Variants in MARCHF1 observed in about 807,000 individuals in gnomAD.
The protein encoded by MARCHF1 is E3 ubiquitin-protein ligase MARCHF1.
In MARCHF1, 40 loss-of-function variants were observed where a neutral mutation model predicts 54.2. That is an observed-to-expected ratio of 0.74 (90% CI 0.57 to 0.96). MARCHF1 has a LOEUF of 0.96. Ranked by LOEUF, MARCHF1 falls within the 40% of genes least tolerant of loss-of-function variation. The pLI, the probability that MARCHF1 is intolerant of heterozygous loss-of-function variation, is 0.00. For synonymous variants in MARCHF1, 236 were observed against 236.3 expected (o/e 1.00, Z 0.01); for missense variants, 586 against 656.5 (o/e 0.89, Z 1.17).
chr4:164,367,780 A>T (rs919521903), intron 1 of MARCHF1, among the ~76,000 whole-genome samples: 10 of 151,900 alleles, frequency 6.6e-5, no homozygotes, highest in African/African-American at 2.4e-4. Flanking sequence ...ATCTTTTTTT[A>T]AAGTTTTAAA....
intron 1 of MARCHF1, among the ~76,000 whole-genome samples, chr4:164,273,308 T>C (rs1378458188): frequency 6.6e-6 from 1 of 152,028 alleles, no homozygotes; most frequent in Non-Finnish European, 1.5e-5. Context: ...TATAAAACCA[T>C]CAAATCTTGT....
rs1291967315 is a variant in MARCHF1 at position 163,845,622 on chromosome 4, A to G, written c.111+8399T>C. On this transcript the variant is annotated intron_variant, in intron 4 of 9. Coordinates refer to ENST00000514618, the MANE Select transcript of MARCHF1 (RefSeq NM_001394959.1). ...ACATAGCAGAATTAAACAACCCATA[A>G]GAATTAAACATCTTTCGGAGGAACT... 5.9e-5 allele frequency among the ~76,000 whole-genome samples: 9 copies of G among 152,296 alleles called. No individual in the cohort carries two copies. The East Asian group carries it at 1.7e-3, about 29-fold the overall frequency.
intron 8 of MARCHF1, among the ~76,000 whole-genome samples, chr4:163,550,791 A>C (rs1316335784): frequency 1.3e-5 from 2 of 152,224 alleles, no homozygotes; most frequent in Non-Finnish European, 2.9e-5. Context: ...AAATTTCTAG[A>C]GGACCCATTC....
chr4:164,208,626 A>C lies in MARCHF1; in HGVS notation c.-322-96964T>G, dbSNP rs565273145. On this transcript the variant is annotated intron_variant, in intron 1 of 9. Transcript: ENST00000514618. ...GCAAGAGAGAAAAGATGATTCTTTA[A>C]AAGTAATGGCAGACAAGGACAGTGC... 5.9e-5 allele frequency among the ~76,000 whole-genome samples: 9 copies of C among 152,354 alleles called. No homozygotes were observed. In the South Asian group the frequency reaches 1.0e-3, roughly 18 times the overall value.
At chr4:164,324,818 T>C (rs909211266) in intron 1 of MARCHF1, among the ~76,000 whole-genome samples, 3 of 151,232 alleles carry the variant, frequency 2.0e-5, no homozygotes, top group African/African-American at 7.2e-5. Context: ...TCAAAAGAAG[T>C]TGTAATGAAA....
At chr4:164,220,323 T>G (rs1025034662) in intron 1 of MARCHF1, among the ~76,000 whole-genome samples, 2 of 147,886 alleles carry the variant, frequency 1.4e-5, no homozygotes, top group Non-Finnish European at 3.0e-5. Flanking sequence ...AATTCATATA[T>G]ATATAGGAAT....
chr4:164,289,284 C>T (rs1437949736), intron 1 of MARCHF1, among the ~76,000 whole-genome samples: 1 of 151,954 alleles, frequency 6.6e-6, no homozygotes, highest in East Asian at 1.9e-4. Flanking sequence ...AGATTGTGAA[C>T]CACTGTGTGT....
chr4:163,872,236 T>C (rs1750184237), intron 3 of MARCHF1, among the ~76,000 whole-genome samples: 1 of 152,212 alleles, frequency 6.6e-6, no homozygotes, highest in Admixed American at 6.5e-5. Flanking sequence ...AGCATGTGTG[T>C]CACCTTGAAG....
intron 1 of MARCHF1, among the ~76,000 whole-genome samples, chr4:164,319,960 TTTAAGA>T (rs111844361): frequency 2.4e-4 from 36 of 152,242 alleles, no homozygotes; most frequent in African/African-American, 7.9e-4. Flanking sequence ...CTCTAGACAT[TTTAAGA>T]TTAACATATG....
intron 9 of MARCHF1, among the ~76,000 whole-genome samples, chr4:163,534,733 C>T (rs1033752533): frequency 6.6e-6 from 1 of 152,022 alleles, no homozygotes; most frequent in African/African-American, 2.4e-5. Flanking sequence ...TTTCCATGGT[C>T]CCTTTCTCCT....
At chr4:163,767,135 T>C (rs1038723903) in intron 4 of MARCHF1, among the ~76,000 whole-genome samples, 2 of 147,602 alleles carry the variant, frequency 1.4e-5, no homozygotes, top group African/African-American at 5.0e-5. Context: ...TATCCAAGGA[T>C]ATAAAGCCTG....
chr4:164,073,585 T>C (rs990610430), intron 2 of MARCHF1, among the ~76,000 whole-genome samples: 2 of 151,988 alleles, frequency 1.3e-5, no homozygotes, highest in African/African-American at 4.8e-5. Context: ...CCATGGCACA[T>C]GCATACCTAT....
chr4:164,140,995 A>G (rs1756519568), intron 1 of MARCHF1, among the ~76,000 whole-genome samples: 1 of 152,202 alleles, frequency 6.6e-6, no homozygotes, highest in Non-Finnish European at 1.5e-5. Flanking sequence ...ACGTGTTGAG[A>G]GGTTCTCTGA....
intron 1 of MARCHF1, among the ~76,000 whole-genome samples, chr4:164,328,096 G>GTGGATCT (rs1405236385): frequency 6.6e-6 from 1 of 152,158 alleles, no homozygotes; most frequent in Non-Finnish European, 1.5e-5. Context: ...AAGGCTAACT[G>GTGGATCT]TGGATCTTGA....
At chr4:164,189,158 G>A (rs112199227) in intron 1 of MARCHF1, 14 of 588,580 alleles carry the variant, frequency 2.4e-5, no homozygotes, top group African/African-American at 1.3e-4. Flanking sequence ...TATGACTAGC[G>A]TGTCATGGAA....
At chr4:163,847,066 G>A (rs1035344778) in intron 4 of MARCHF1, among the ~76,000 whole-genome samples, 2 of 152,038 alleles carry the variant, frequency 1.3e-5, no homozygotes, top group African/African-American at 4.8e-5. Flanking sequence ...TACCCAAGTG[G>A]GCTGGTTTAG....
intron 3 of MARCHF1, among the ~76,000 whole-genome samples, chr4:163,886,027 A>G (rs536723637): frequency 1.3e-5 from 2 of 148,816 alleles, no homozygotes; most frequent in East Asian, 3.9e-4. Context: ...AGCTAAAAAA[A>G]AAAATAGCCT....
At chr4:163,674,599 C>T (rs1220145924) in intron 5 of MARCHF1, among the ~76,000 whole-genome samples, 5 of 152,110 alleles carry the variant, frequency 3.3e-5, no homozygotes, top group Non-Finnish European at 7.4e-5. Context: ...GTGCTTATCT[C>T]CACCCCTAGT....
intron 8 of MARCHF1, among the ~76,000 whole-genome samples, chr4:163,556,310 A>G (rs1311863199): frequency 6.6e-6 from 1 of 152,196 alleles, no homozygotes; most frequent in Admixed American, 6.5e-5. Flanking sequence ...AAGTGCTTCT[A>G]TCCCTTTCTC....
Sources: gnomAD v4.1 joint callset for allele counts (sites outside exome capture counted in the v4.1 genomes callset) on GRCh38, gnomAD v4.1.1 for gene constraint, MANE v1.5 for transcripts, NCBI Gene and HGNC (gene_info 2026-07-23, HGNC 2026-07-21) for gene names.